The following APC2 variants were observed in gnomAD, a reference collection of about 807,000 sequenced individuals.
APC2 encodes APC regulator of Wnt signaling pathway 2.
In APC2, 41 loss-of-function variants were observed where a neutral mutation model predicts 72.5. That is an observed-to-expected ratio of 0.57 (90% CI 0.44 to 0.73). The LOEUF is 0.73. APC2 is among the 30% of genes least tolerant of loss of function. The pLI is 0.00. For missense variants in APC2, 3,729 were observed against 3,403.4 expected, an observed-to-expected ratio of 1.10 and a Z score of -2.38; for synonymous variants, 1,898 against 1,612.0, an observed-to-expected ratio of 1.18 and a Z score of -4.25.
rs552657663 is a variant in APC2, at chr19:1,469,553, G to T, written c.6252G>T (p.Leu2084=). 4 of 1,227,832 alleles carry T rather than the reference G, an allele frequency of 3.3e-6. No individual in the cohort carries two copies. Among genetic ancestry groups the T allele is most frequent in the Non-Finnish European group, 4.1e-6 (4 of 969,886 alleles). 76.1% of individuals were successfully genotyped at this position (1,227,832 alleles called of 1,614,324 possible). Residue 2084 remains leucine, a synonymous_variant, in exon 15 of 15, where the codon CTG becomes CTT. Transcript: ENST00000590469. ...CCACCTCCGAGAGCCCGTCCCGCCT[G>T]CCTGTGCGCGCGCCCGCCGCCCGGC... ...RRTTSESPSR[L]PVRAPAARPE... is the part of the protein sequence containing the mutation.
intron 14 of APC2, among the ~76,000 whole-genome samples, chr19:1,464,789 C>G (rs1419893040): frequency 3.3e-5 from 5 of 151,632 alleles, no homozygotes; most frequent in African/African-American, 1.2e-4. Context: ...CTCGCCACCA[C>G]ACCCAGCTAA....
intron 10 of APC2, 51 bp from the exon 11 acceptor site, chr19:1,460,130 C>T (rs764913966): frequency 4.3e-6 from 7 of 1,609,230 alleles, no homozygotes; most frequent in South Asian, 1.1e-5. Flanking sequence ...GGGCGCTGGG[C>T]AGCAGGCAGG....
At position 1,466,508 on chromosome 19, in the gene APC2, A is replaced by G. The variant is rs1426374776; in HGVS notation, c.3207A>G (p.Arg1069=). 1.3e-6 allele frequency: 2 copies of G among 1,596,622 alleles called. No individual in the cohort carries two copies. The highest frequency in any genetic ancestry group is 1.7e-6 in the Non-Finnish European group (2 of 1,178,956). ...AAQEGPLSLS[R]CSSLSSLSSA... is the part of the protein sequence containing the mutation. The stretch of plus-strand genomic sequence containing the variant: ...AAGAGGGGCCACTCTCGCTGTCCCG[A>G]TGCAGCTCCCTTTCCTCGCTGTCCT... The change falls in exon 15 of 15, where the codon CGA becomes CGG. Residue 1069 remains arginine (R), a synonymous_variant. Coordinates refer to ENST00000590469, the MANE Select transcript of APC2 (RefSeq NM_005883.3).
At chr19:1,461,766 C>T (rs1431713071) in intron 13 of APC2, 197 bp from the exon 14 acceptor site, 5 of 570,582 alleles carry the variant, frequency 8.8e-6, no homozygotes, top group South Asian at 4.5e-5. Flanking sequence ...GCAGGAGAAT[C>T]GCTTGAACTG....
At position 1,468,632 on chromosome 19, in the gene APC2, A is replaced by C; in HGVS notation, c.5331A>C (p.Thr1777=). The C allele has an allele frequency of 6.3e-7, 1 of 1,599,732 alleles. No homozygotes were observed. The highest frequency in any genetic ancestry group is 8.5e-7 in the Non-Finnish European group (1 of 1,172,226). ...SPAGPEKPRG[T]QKTTPGVPAV... The stretch of plus-strand genomic sequence containing the variant: ...CAGGCCCCGAGAAGCCACGTGGCAC[A>C]CAGAAGACCACGCCCGGGGTGCCAG... Residue 1777 remains threonine (T), a synonymous_variant, in exon 15 of 15, where the codon ACA becomes ACC. Transcript: ENST00000590469.
At chr19:1,461,807 T>G (rs573639753) in intron 13 of APC2, 156 bp from the exon 14 acceptor site, 3 of 632,076 alleles carry the variant, frequency 4.7e-6, no homozygotes, top group East Asian at 2.8e-5. Flanking sequence ...AGTCGAGATC[T>G]CGCCACTGCA....
Position 1,460,876 on chromosome 19 carries a change from G to A in APC2, c.1521+19G>A. ...CCACCAGGTACAGGGCGGGGTGCTG[G>A]GAAAGCCTTCCAGGGTGTCCCTGAT... On this transcript the variant is annotated intron_variant, in intron 12 of 14. Coordinates refer to ENST00000590469, the MANE Select transcript of APC2 (RefSeq NM_005883.3). 1 of 1,612,954 alleles carries A rather than the reference G, an allele frequency of 6.2e-7. No homozygotes were observed. Among genetic ancestry groups the A allele is most frequent in the Non-Finnish European group, 8.5e-7 (1 of 1,179,726 alleles).
Position 1,467,498 on chromosome 19 carries a change from C to T in APC2, c.4197C>T (p.Asn1399=). ...ACTCCGCGGAGGGCACGCCGGTCAA[C>T]TTCTCTAGCGCCGCCTCGCTCAGCG... ...CTDSAEGTPV[N]FSSAASLSDE... Residue 1399 remains asparagine, a synonymous_variant, in exon 15 of 15, where the codon AAC becomes AAT. Coordinates refer to ENST00000590469, the MANE Select transcript of APC2 (RefSeq NM_005883.3). The T allele has an allele frequency of 2.1e-6, 3 of 1,460,024 alleles. No homozygotes were observed. Among genetic ancestry groups the T allele is most frequent in the Non-Finnish European group, 2.7e-6 (3 of 1,108,110 alleles). The allele number at this position is 1,460,024 out of a possible 1,614,324, so 90.4% of individuals were successfully genotyped here.
chr19:1,465,655 C>A lies in APC2; in HGVS notation c.2354C>A (p.Ser785Ter). 1 of 1,602,318 alleles carries A rather than the reference C, an allele frequency of 6.2e-7. No individual in the cohort carries two copies. Among genetic ancestry groups the A allele is most frequent in the East Asian group, 2.3e-5 (1 of 44,148 alleles). Residue 785 changes from serine to a stop codon, truncating the protein, a stop_gained, in exon 15 of 15, where the codon TCA (serine) becomes TAA (stop). Transcript: ENST00000590469. LOFTEE classifies it low-confidence loss of function (END_TRUNC). Reference protein sequence around the residue: ...SGCFDDDDAPSSLAAAAATGE... With the variant: ...SGCFDDDDAP ...TGCTTTGACGACGACGATGCACCGT[C>A]ATCCCTGGCTGCGGCCGCGGCCACC...
rs1440095371 is a variant in APC2, at chr19:1,472,738, C to T, written c.*2525C>T. 1 of 152,408 alleles carries T rather than the reference C, an allele frequency of 6.6e-6. No homozygotes were observed. The highest frequency in any genetic ancestry group is 1.9e-4 in the East Asian group (1 of 5,204). 9.4% of individuals were successfully genotyped at this position (152,408 alleles called of 1,614,324 possible). ...CTCTGGACAATCAACTCAAGGTACG[C>T]CCACTGCAAGGCCTCCCTCCCACCG... On this transcript the variant is annotated 3_prime_UTR_variant, in exon 15 of 15. Transcript: ENST00000590469.
chr19:1,464,314 A>G (rs11880671), intron 14 of APC2, among the ~76,000 whole-genome samples: 10,448 of 152,160 alleles, frequency 0.069, 1,150 homozygotes, highest in African/African-American at 0.23. Flanking sequence ...CATCTCAGAA[A>G]AAAAAAAATT....
At position 1,465,185 on chromosome 19, in the gene APC2, G is replaced by A. The variant is rs1342402567; in HGVS notation, c.1884G>A (p.Gln628=). ...RQVLRDHNCL[Q]TLLQHLTSHS... is the part of the protein sequence containing the mutation. ...TGCTCCGGGATCACAACTGTCTGCA[G>A]ACGCTGCTGCAGCATCTGACTTCGC... Residue 628 remains glutamine (Q), a synonymous_variant, in exon 15 of 15, where the codon CAG becomes CAA. Transcript: ENST00000590469. 6.2e-7 allele frequency: 1 copy of A among 1,606,268 alleles called. No homozygotes were observed. Among genetic ancestry groups the A allele is most frequent in the East Asian group, 2.2e-5 (1 of 44,518 alleles).
rs904361690 is a variant in APC2, at chr19:1,468,594, C to T, written c.5293C>T (p.Pro1765Ser). Reference protein sequence around the residue: ...GAASVKTSGSPRSPAGPEKPR... With the variant: ...GAASVKTSGSSRSPAGPEKPR... ...AGCCTCAGTCAAGACCAGCGGGAGC[C>T]CCCGTTCCCCTGCAGGCCCCGAGAA... Residue 1765 changes from proline to serine, a missense_variant, in exon 15 of 15, where the codon CCC (proline) becomes TCC (serine). Coordinates refer to ENST00000590469, the MANE Select transcript of APC2 (RefSeq NM_005883.3). 6 of 1,600,380 alleles carry T rather than the reference C, an allele frequency of 3.7e-6. No individual in the cohort carries two copies. The African/African-American group carries it at 5.4e-5, about 14-fold the overall frequency.
chr19:1,456,393 G>T lies in APC2; in HGVS notation c.805G>T (p.Gly269Cys). 1 of 1,603,118 alleles carries T rather than the reference G, an allele frequency of 6.2e-7. No homozygotes were observed. The highest frequency in any genetic ancestry group is 8.5e-7 in the Non-Finnish European group (1 of 1,175,880). The change falls in exon 8 of 15, where the codon GGC (glycine) becomes TGC (cysteine). Residue 269 changes from glycine to cysteine, a missense_variant. Physicochemically the swap from Gly to Cys is radical, Grantham distance 159. Coordinates refer to ENST00000590469, the MANE Select transcript of APC2 (RefSeq NM_005883.3). ...THPEDGTPQPGNSKVEVVFWL... is the reference protein window; with the variant it reads ...THPEDGTPQPCNSKVEVVFWL... ...CCCTGAGGATGGCACCCCTCAGCCG[G>T]GCAACAGCAAGGTGAGGGGGAGGGT...
rs1019108407 is a variant in APC2, at chr19:1,453,476, C to T, written c.278C>T (p.Pro93Leu). 43 of 1,603,088 alleles carry T rather than the reference C, an allele frequency of 2.7e-5. No individual in the cohort carries two copies. Among genetic ancestry groups the T allele is most frequent in the East Asian group, 4.5e-5 (2 of 44,592 alleles). The change falls in exon 4 of 15, where the codon CCG becomes CTG. Residue 93 changes from proline to leucine, a missense_variant. By Grantham distance (98) the Pro-to-Leu change is moderately conservative. Transcript: ENST00000590469. Reference protein sequence around the residue: ...ITSLYNLKFQPPTLGPEPAAR... With the variant: ...ITSLYNLKFQLPTLGPEPAAR... ...AGCCTGTACAACCTCAAGTTCCAGCCGCCCACCCTGGGCCCGGAGCCTGCC... is the reference window on the plus strand; with the variant it reads ...AGCCTGTACAACCTCAAGTTCCAGCTGCCCACCCTGGGCCCGGAGCCTGCC...
At position 1,468,921 on chromosome 19, in the gene APC2, T is replaced by C. The variant is rs927466098; in HGVS notation, c.5620T>C (p.Ser1874Pro). The C allele has an allele frequency of 6.6e-7, 1 of 1,522,998 alleles. No individual in the cohort carries two copies. Among genetic ancestry groups the C allele is most frequent in the African/African-American group, 1.4e-5 (1 of 69,732 alleles). 94.3% of individuals were successfully genotyped at this position (1,522,998 alleles called of 1,614,324 possible). A position where few individuals can be genotyped will look rare whatever the true frequency, so the allele number is the denominator to read the frequency against. Residue 1874 changes from serine to proline, a missense_variant, in exon 15 of 15, where the codon TCC (serine) becomes CCC (proline). By Grantham distance (74) the Ser-to-Pro change is moderately conservative. Transcript: ENST00000590469. ...CGCCCGCCTCGCCAAGACCCCCTCC[T>C]CCAGCTCCTCCCAGACCTCGCCCGC... Reference protein sequence around the residue: ...PPARLAKTPSSSSSQTSPASQ... With the variant: ...PPARLAKTPSPSSSQTSPASQ...
In APC2 at chr19:1,469,783, C is replaced by T. The variant is rs2084100898; in HGVS notation, c.6482C>T (p.Thr2161Met). The change falls in exon 15 of 15, where the codon ACG becomes ATG. Residue 2161 changes from threonine to methionine, a missense_variant. By Grantham distance (81) the Thr-to-Met change is moderately conservative. Transcript: ENST00000590469. ...GACGTGCCCCACATCCTGCGCAGCA[C>T]GCTTCCCGCCACGGCCCTGCCACTG... The part of the protein sequence containing the change: ...DEDVPHILRS[T>M]LPATALPLRG... The T allele has an allele frequency of 2.0e-6, 3 of 1,519,252 alleles. No individual in the cohort carries two copies. Among genetic ancestry groups the T allele is most frequent in the African/African-American group, 2.9e-5 (2 of 69,876 alleles). The allele number at this position is 1,519,252 out of a possible 1,614,324, so 94.1% of individuals were successfully genotyped here.
chr19:1,459,636 G>A (rs957891660), intron 10 of APC2, among the ~76,000 whole-genome samples: 6 of 152,182 alleles, frequency 3.9e-5, no homozygotes, highest in African/African-American at 1.4e-4. Flanking sequence ...TTTGAAGAGG[G>A]AGAAAAGTGT....
chr19:1,453,555 C>T lies in APC2; in HGVS notation c.357C>T (p.Ser119=), dbSNP rs61735595. ...ACGGCTCCGGGCCCTCCAAGGACAG[C>T]TTTGGGGAGCTGAGCCGGGCCACCA... is the stretch of plus-strand genomic sequence containing the variant. The part of the protein sequence containing the change: ...PVHGSGPSKD[S]FGELSRATIR... Residue 119 remains serine, a synonymous_variant, in exon 4 of 15, where the codon AGC becomes AGT. Coordinates refer to ENST00000590469, the MANE Select transcript of APC2 (RefSeq NM_005883.3). 1.2e-6 allele frequency: 2 copies of T among 1,611,358 alleles called. No individual in the cohort carries two copies. The highest frequency in any genetic ancestry group is 1.7e-6 in the Non-Finnish European group (2 of 1,179,420).
Sources: allele counts gnomAD v4.1 joint callset (sites outside exome capture counted in the v4.1 genomes callset), GRCh38; gene constraint gnomAD v4.1.1; transcripts MANE v1.5; gene names NCBI Gene and HGNC (gene_info 2026-07-23, HGNC 2026-07-21).